Variants in SLC25A14 observed in about 807,000 individuals in gnomAD.
SLC25A14 encodes brain mitochondrial carrier protein 1.
In SLC25A14, 8 loss-of-function variants were observed where a neutral mutation model predicts 28.1. The observed-to-expected ratio is 0.28, with a 90% CI of 0.17 to 0.51. The LOEUF is 0.51. Ranked by LOEUF, SLC25A14 falls within the 20% of genes least tolerant of loss-of-function variation. The pLI is 0.97. For synonymous variants in SLC25A14, 74 were observed against 90.6 expected (o/e 0.82, Z 1.04); for missense variants, 135 against 263.8 (o/e 0.51, Z 3.38).
At chrX:130,352,422 G>A (rs2033645816) in intron 6 of SLC25A14, among the ~76,000 whole-genome samples, 1 of 111,676 alleles carries the variant, frequency 9.0e-6, no homozygotes, top group African/African-American at 3.3e-5. Flanking sequence ...ATTTTCTTTT[G>A]GATATATACT....
At chrX:130,363,683 A>G (rs936660386) in intron 7 of SLC25A14, among the ~76,000 whole-genome samples, 5 of 111,736 alleles carry the variant, frequency 4.5e-5, no homozygotes, top group Non-Finnish European at 9.4e-5. Flanking sequence ...AAGGGTTCCT[A>G]TTTCTTCACA....
chrX:130,360,375 A>C (rs1451937644), intron 7 of SLC25A14, among the ~76,000 whole-genome samples: 1 of 111,470 alleles, frequency 9.0e-6, no homozygotes, highest in East Asian at 2.8e-4. Flanking sequence ...TTCATACTGC[A>C]TCACAGCAGG....
rs2033452849 is a variant in SLC25A14 at position 130,346,709 on chromosome X, C to T, written c.317+18C>T. ...TATTCAGGGTGAGACTGGTTCTTTC[C>T]TTATATCATTAACAGAAATGCTTTT... On this transcript the variant is annotated intron_variant, in intron 4 of 10. Coordinates refer to ENST00000545805, the MANE Select transcript of SLC25A14 (RefSeq NM_001282195.2). 1 of 1,172,358 alleles carries T rather than the reference C, an allele frequency of 8.5e-7. No individual in the cohort carries two copies. The highest frequency in any genetic ancestry group is 1.2e-6 in the Non-Finnish European group (1 of 867,670).
At position 130,339,980 on chromosome X, in the gene SLC25A14, AG is replaced by A; in HGVS notation, c.-173+9del. ...GTCGTCCGATGAGCCCGAGCAGGTG[AG>A]GGGGAGCTCCTGGACTTCCAGGCTG... On this transcript the variant is annotated splice_donor_5th_base_variant and intron_variant, in intron 1 of 10. Transcript: ENST00000545805. 2 of 906,959 alleles carry A rather than the reference AG, an allele frequency of 2.2e-6. No individual in the cohort carries two copies. Among genetic ancestry groups the A allele is most frequent in the Non-Finnish European group, 2.7e-6 (2 of 736,808 alleles). 74.7% of individuals were successfully genotyped at this position (906,959 alleles called of 1,213,427 possible). A position where few individuals can be genotyped will look rare whatever the true frequency, so the allele number is the denominator to read the frequency against.
intron 9 of SLC25A14, among the ~76,000 whole-genome samples, chrX:130,368,026 G>A (rs189781476): frequency 5.3e-5 from 6 of 112,384 alleles, no homozygotes; most frequent in African/African-American, 6.5e-5. Flanking sequence ...TGATCCACCC[G>A]CCTTGGCCTC....
intron 10 of SLC25A14, among the ~76,000 whole-genome samples, 195 bp from the exon 11 acceptor site, chrX:130,372,714 G>A (rs184830316): frequency 9.0e-6 from 1 of 110,754 alleles, no homozygotes; most frequent in South Asian, 3.9e-4. Flanking sequence ...CACCCACCTC[G>A]GCCTCTCAAA....
chrX:130,350,580 C>T, intron 5 of SLC25A14, 66 bp from the exon 6 acceptor site: 1 of 567,179 alleles, frequency 1.8e-6, no homozygotes, highest in Non-Finnish European at 2.7e-6. Context: ...TCCAGTAGGT[C>T]AGTAGTATGT....
At chrX:130,370,710 A>G (rs1017312991) in intron 9 of SLC25A14, among the ~76,000 whole-genome samples, 1 of 111,707 alleles carries the variant, frequency 9.0e-6, no homozygotes, top group Admixed American at 9.5e-5. Context: ...CTATTTTCTT[A>G]CCCTGCTTTA....
intron 6 of SLC25A14, among the ~76,000 whole-genome samples, chrX:130,356,996 T>C (rs2033814279): frequency 8.9e-6 from 1 of 111,844 alleles, no homozygotes; most frequent in South Asian, 3.7e-4. Flanking sequence ...TGATCTACTA[T>C]GTACTGCTTC....
chrX:130,357,774 A>T (rs1603262341), intron 6 of SLC25A14, among the ~76,000 whole-genome samples: 2 of 111,942 alleles, frequency 1.8e-5, no homozygotes, highest in Non-Finnish European at 1.9e-5. Flanking sequence ...ATGTGTGCAG[A>T]GTCTGTGGGA....
At chrX:130,357,732 G>A (rs2033836512) in intron 6 of SLC25A14, among the ~76,000 whole-genome samples, 1 of 111,884 alleles carries the variant, frequency 8.9e-6, no homozygotes, top group South Asian at 3.7e-4. Flanking sequence ...CATTTGGGCC[G>A]CTAGTATTTA....
At chrX:130,361,031 A>G (rs1051292927) in intron 7 of SLC25A14, among the ~76,000 whole-genome samples, 3 of 112,081 alleles carry the variant, frequency 2.7e-5, no homozygotes, top group African/African-American at 9.7e-5. Context: ...GAATCACACA[A>G]TATTTATCTT....
At chrX:130,362,084 G>A (rs1315929180) in intron 7 of SLC25A14, among the ~76,000 whole-genome samples, 3 of 108,939 alleles carry the variant, frequency 2.8e-5, no homozygotes, top group Non-Finnish European at 5.7e-5. Flanking sequence ...TGGCATAGCT[G>A]TGTCACTTCC....
chrX:130,342,808 C>T (rs934909533), intron 2 of SLC25A14, among the ~76,000 whole-genome samples: 2 of 108,703 alleles, frequency 1.8e-5, no homozygotes, highest in Non-Finnish European at 3.8e-5. Flanking sequence ...TTAGCCTGTG[C>T]TCCAGGCGTA....
chrX:130,367,845 T>C (rs5977249), intron 9 of SLC25A14, among the ~76,000 whole-genome samples: 46,587 of 110,957 alleles, frequency 0.42, 7,108 homozygotes, highest in Non-Finnish European at 0.44. Context: ...TGCAATGGCG[T>C]GATCTCTGCT....
At chrX:130,341,921 G>C (rs2033273240) in intron 2 of SLC25A14, among the ~76,000 whole-genome samples, 1 of 111,626 alleles carries the variant, frequency 9.0e-6, no homozygotes, top group Admixed American at 9.5e-5. Flanking sequence ...TCATACACAG[G>C]GTGTGTAGCA....
At chrX:130,352,604 A>G (rs1241312588) in intron 6 of SLC25A14, among the ~76,000 whole-genome samples, 1 of 112,020 alleles carries the variant, frequency 8.9e-6, no homozygotes, top group South Asian at 3.7e-4. Flanking sequence ...TTTTAATAAT[A>G]ACCATTCTGA....
intron 2 of SLC25A14, among the ~76,000 whole-genome samples, 164 bp downstream of exon 2, chrX:130,340,517 T>C (rs942611627): frequency 5.4e-5 from 6 of 111,906 alleles, no homozygotes; most frequent in Admixed American, 9.5e-5. Context: ...CATGAATTAG[T>C]TTCTCAGACA....
Position 130,371,547 on chromosome X carries a change from TTA to T in SLC25A14, c.856-13_856-12del, listed in dbSNP as rs746077643. The T allele has an allele frequency of 2.8e-5, 33 of 1,180,752 alleles. No individual in the cohort carries two copies. The highest frequency in any genetic ancestry group is 3.5e-5 in the African/African-American group (2 of 56,564). On this transcript the variant is annotated splice_polypyrimidine_tract_variant and intron_variant, in intron 9 of 10. Coordinates refer to ENST00000545805, the MANE Select transcript of SLC25A14 (RefSeq NM_001282195.2). ...AAAGGTGAATTCACTCTGTTTTTGG[TTA>T]TATCTTTCCTGCAGATGTGGAAACA...
Sources: gnomAD v4.1 joint callset for allele counts (sites outside exome capture counted in the v4.1 genomes callset) on GRCh38, gnomAD v4.1.1 for gene constraint, MANE v1.5 for transcripts, NCBI Gene and HGNC (gene_info 2026-07-23, HGNC 2026-07-21) for gene names.